BTBD2: variants seen among roughly 807,000 people sequenced by gnomAD.
BTBD2 encodes BTB domain containing 2, also known as BTB/POZ domain-containing protein 2.
BTBD2 carries 15 observed loss-of-function variants against 44.0 expected under a neutral mutation model. The observed-to-expected ratio is 0.34, with a 90% confidence interval of 0.23 to 0.53. The LOEUF is 0.53. BTBD2 is among the 20% of genes least tolerant of loss of function. The pLI is 0.95. For synonymous variants in BTBD2, 443 were observed against 335.9 expected, an observed-to-expected ratio of 1.32 and a Z score of -3.49; for missense variants, 657 against 746.4, an observed-to-expected ratio of 0.88 and a Z score of 1.39.
intron 5 of BTBD2, chr19:1,989,481 A>G (rs12609309): frequency 0.056 from 9,943 of 178,174 alleles, 433 homozygotes; most frequent in East Asian, 0.18. Flanking sequence ...GCTCTGTCCC[A>G]GCCCCTTCTG....
intron 5 of BTBD2, among the ~76,000 whole-genome samples, chr19:1,989,131 T>C (rs1395533858): frequency 3.9e-5 from 6 of 152,244 alleles, no homozygotes; most frequent in Admixed American, 6.5e-5. Context: ...CGGTGGCCCA[T>C]GTCCATAATC....
At chr19:1,987,374 C>A in intron 6 of BTBD2, 121 bp from the exon 7 acceptor site, 1 of 1,411,086 alleles carries the variant, frequency 7.1e-7, no homozygotes, top group East Asian at 3.4e-5. Flanking sequence ...CCCCCATGCC[C>A]GGCGGCCCCC....
chr19:2,001,457 A>C (rs1325110608), intron 1 of BTBD2, among the ~76,000 whole-genome samples: 1 of 152,176 alleles, frequency 6.6e-6, no homozygotes, highest in Non-Finnish European at 1.5e-5. Flanking sequence ...GTACCACTGC[A>C]CTGCACCCTG....
intron 1 of BTBD2, among the ~76,000 whole-genome samples, chr19:2,011,529 A>G (rs1236238186): frequency 2.0e-5 from 3 of 151,942 alleles, no homozygotes; most frequent in Non-Finnish European, 4.4e-5. Flanking sequence ...TGCACTCTCC[A>G]TCAACATCAC....
Position 1,990,818 on chromosome 19 carries a change from C to A in BTBD2, c.689G>T (p.Arg230Leu), listed in dbSNP as rs1445705072. The change falls in exon 4 of 9, where the codon CGA (arginine) becomes CTA (leucine). Residue 230 changes from arginine to leucine, a missense_variant. Arg to Leu is a moderately radical substitution (Grantham distance 102). This residue lies in a region of BTBD2 where 449 missense variants were observed against 510.9 expected (regional missense o/e 0.88). Coordinates refer to ENST00000255608, the MANE Select transcript of BTBD2 (RefSeq NM_017797.4). ...GGCCAGCTGCGGTTCATCGAAGAGT[C>A]GCGCCTGGCAAGAGACATCGACGGG... Reference protein sequence around the residue: ...DNAFMLLTQARLFDEPQLASL... With the variant: ...DNAFMLLTQALLFDEPQLASL... 3.8e-6 allele frequency: 6 copies of A among 1,566,356 alleles called. No individual in the cohort carries two copies. The highest frequency in any genetic ancestry group is 1.2e-5 in the South Asian group (1 of 85,360).
At chr19:1,988,040 G>A (rs928230494) in intron 5 of BTBD2, 3 of 255,630 alleles carry the variant, frequency 1.2e-5, no homozygotes, top group South Asian at 6.8e-5. Context: ...TCCACTGCCT[G>A]TTCTCTCAGG....
chr19:1,988,870 G>T (rs2016132220), intron 5 of BTBD2, among the ~76,000 whole-genome samples: 1 of 152,170 alleles, frequency 6.6e-6, no homozygotes, highest in African/African-American at 2.4e-5. Flanking sequence ...CTCCCAAAGT[G>T]CTGGGATTAC....
In BTBD2 at chr19:1,986,936, T is replaced by A. The variant is rs1335287911; in HGVS notation, c.1310A>T (p.Asp437Val). ...TGAGCCGTCGCAGCTGAAGCCCGTG[T>A]CGTTCTGGCCCAAGACGGTGTTGCT... is the stretch of plus-strand genomic sequence containing the variant. ...TDSNTVLGQN[D>V]TGFSCDGSAS... Residue 437 changes from aspartate (D) to valine (V), a missense_variant, in exon 8 of 9, where the codon GAC (aspartate) becomes GTC (valine). Physicochemically the swap from Asp to Val is radical, Grantham distance 152. This residue lies in a region of BTBD2 where 449 missense variants were observed against 510.9 expected (regional missense o/e 0.88). Transcript: ENST00000255608. 1.9e-6 allele frequency: 3 copies of A among 1,613,314 alleles called. No individual in the cohort carries two copies. In the African/African-American group the frequency reaches 4.0e-5, roughly 21 times the overall value.
In BTBD2 at chr19:1,986,969, T is replaced by C; in HGVS notation, c.1277A>G (p.His426Arg). The C allele has an allele frequency of 1.2e-6, 2 of 1,611,500 alleles. No individual in the cohort carries two copies. Among genetic ancestry groups the C allele is most frequent in the Non-Finnish European group, 1.7e-6 (2 of 1,178,742 alleles). The change falls in exon 8 of 9, where the codon CAC becomes CGC. Residue 426 changes from histidine (H) to arginine (R), a missense_variant. Transcript: ENST00000255608. ...TDYQVNIQII[H>R]TDSNTVLGQN... Reference sequence around the variant, plus strand: ...GCCCAAGACGGTGTTGCTATCGGTGTGAATAATCTGCGGGGAGGTGGGAAG... The same window carrying C: ...GCCCAAGACGGTGTTGCTATCGGTGCGAATAATCTGCGGGGAGGTGGGAAG...
chr19:1,985,586 C>T lies in BTBD2; in HGVS notation c.*902G>A, dbSNP rs540550483. 204 of 148,292 alleles carry T rather than the reference C, an allele frequency of 1.4e-3. No homozygotes were observed. The highest frequency in any genetic ancestry group is 3.4e-3 in the African/African-American group (136 of 40,526). The allele number at this position is 148,292 out of a possible 1,614,324, so 9.2% of individuals were successfully genotyped here. On this transcript the variant is annotated 3_prime_UTR_variant, in exon 9 of 9. Coordinates refer to ENST00000255608, the MANE Select transcript of BTBD2 (RefSeq NM_017797.4). ...CACGCGGGGTGGGTGGGGGCGTGGC[C>T]GGAGTGGGGAGGGGCTGTGCCCCCA... is the stretch of plus-strand genomic sequence containing the variant.
Position 2,001,793 on chromosome 19 carries a change from A to G in BTBD2, c.408-4330T>C, listed in dbSNP as rs372900653. The stretch of plus-strand genomic sequence containing the variant: ...CGCTCTGCCGCCCAGGCTGGAGTGC[A>G]GTGGCGCAATCTTGGCTCACTGCAA... On this transcript the variant is annotated intron_variant, in intron 1 of 8. Transcript: ENST00000255608. Among the ~76,000 whole-genome samples the G allele has an allele frequency of 1.2e-4, 19 of 152,334 alleles. No homozygotes were observed. In the East Asian group the frequency reaches 3.5e-3, roughly 28 times the overall value.
chr19:2,008,330 C>T (rs184561067), intron 1 of BTBD2, among the ~76,000 whole-genome samples: 5 of 141,798 alleles, frequency 3.5e-5, no homozygotes, highest in African/African-American at 1.1e-4. Flanking sequence ...GGTGGAGTCT[C>T]GCTGTGTTGC....
rs116971129 is a variant in BTBD2 at position 2,006,135 on chromosome 19, G to C, written c.408-8672C>G. 3.3e-5 allele frequency among the ~76,000 whole-genome samples: 5 copies of C among 151,708 alleles called. No individual in the cohort carries two copies. The East Asian group carries it at 7.7e-4, about 23-fold the overall frequency. On this transcript the variant is annotated intron_variant, in intron 1 of 8. Transcript: ENST00000255608. ...ATTTTTAAAAAGTCTAAGAGTCCAA[G>C]GGGTCAATACTAGACACACATGGCT... is the stretch of plus-strand genomic sequence containing the variant.
At chr19:2,013,743 A>C in intron 1 of BTBD2, 2 of 924,018 alleles carry the variant, frequency 2.2e-6, no homozygotes, top group Non-Finnish European at 2.6e-6. Flanking sequence ...CATGGTTTGA[A>C]GGTCTCTGAT....
intron 6 of BTBD2, 116 bp downstream of exon 6, chr19:1,987,384 C>T (rs2016104054): frequency 1.4e-6 from 2 of 1,395,346 alleles, no homozygotes; most frequent in East Asian, 3.4e-5. Flanking sequence ...CGGCGGCCCC[C>T]CCGCCGTCTT....
In BTBD2 at chr19:1,993,195, T is replaced by G; in HGVS notation, c.528-19A>C. 14 of 1,583,892 alleles carry G rather than the reference T, an allele frequency of 8.8e-6. No homozygotes were observed. Among genetic ancestry groups the G allele is most frequent in the Non-Finnish European group, 1.1e-5 (13 of 1,171,842 alleles). On this transcript the variant is annotated intron_variant, in intron 2 of 8. Coordinates refer to ENST00000255608, the MANE Select transcript of BTBD2 (RefSeq NM_017797.4). ...GAGAAACCTGCAGAAGCAACGCGGG[T>G]GGCCGTGAGGTGGGACCGCCATGCC...
At chr19:1,989,925 G>T in intron 5 of BTBD2, 79 bp downstream of exon 5, 1 of 1,510,234 alleles carries the variant, frequency 6.6e-7, no homozygotes, top group East Asian at 2.3e-5. Flanking sequence ...TGAACTCGGG[G>T]GCACTATCCT....
rs80060338 is a variant in BTBD2 at position 1,989,744 on chromosome 19, C to T, written c.988+260G>A. 5.5e-3 allele frequency: 2,922 copies of T among 536,072 alleles called. 72 individuals are homozygous for T. The highest frequency in any genetic ancestry group is 0.05 in the African/African-American group (2,657 of 52,668). 33.2% of individuals were successfully genotyped at this position (536,072 alleles called of 1,614,324 possible). ...GCGCGAGACGGGGACTCCCTTCCCT[C>T]CTGGGAAGATGCCACCAAAACAGCT... is the stretch of plus-strand genomic sequence containing the variant. On this transcript the variant is annotated intron_variant, in intron 5 of 8. Transcript: ENST00000255608.
chr19:2,015,301 G>A lies in BTBD2; in HGVS notation c.403C>T (p.His135Tyr). 6.4e-7 allele frequency: 1 copy of A among 1,557,048 alleles called. No individual in the cohort carries two copies. Among genetic ancestry groups the A allele is most frequent in the Non-Finnish European group, 8.6e-7 (1 of 1,158,540 alleles). Residue 135 changes from histidine (H) to tyrosine (Y), a missense_variant, in exon 1 of 9, where the codon CAC becomes TAC. His to Tyr is a moderately conservative substitution (Grantham distance 83). Around this residue, in one of 3 missense-constraint regions of BTBD2, gnomAD observed 191 missense variants for 188.5 expected, o/e 1.01. Coordinates refer to ENST00000255608, the MANE Select transcript of BTBD2 (RefSeq NM_017797.4). The stretch of plus-strand genomic sequence containing the variant: ...TGGCGGGGTCGGGGCGCCCACCTGT[G>A]CGCGGGGATGCGCTGCGAGCTGAGC... Reference protein sequence around the residue: ...KGLSSQRIPAHRFVLAVGSAV... With the variant: ...KGLSSQRIPAYRFVLAVGSAV...
Sources: allele counts gnomAD v4.1 joint callset (sites outside exome capture counted in the v4.1 genomes callset), GRCh38; gene constraint gnomAD v4.1.1; regional missense constraint gnomAD v4.1.1; transcripts MANE v1.5; gene names NCBI Gene and HGNC (gene_info 2026-07-23, HGNC 2026-07-21).